The following PIKFYVE variants were observed in gnomAD, a reference collection of about 807,000 sequenced individuals.
PIKFYVE encodes 1-phosphatidylinositol 3-phosphate 5-kinase.
In PIKFYVE, 122 loss-of-function variants were observed where a neutral mutation model predicts 257.9. The ratio of observed to expected loss-of-function variants is 0.47; its 90% confidence interval spans 0.41 to 0.55. The LOEUF (loss-of-function observed/expected upper bound fraction) is 0.55. PIKFYVE is among the 20% of genes least tolerant of loss of function. The pLI, the probability that PIKFYVE is intolerant of heterozygous loss-of-function variation, is 0.00. For synonymous variants in PIKFYVE, 892 were observed against 868.9 expected (o/e 1.03, Z -0.47); for missense variants, 2,160 against 2,536.6 (o/e 0.85, Z 3.19).
intron 12 of PIKFYVE, among the ~76,000 whole-genome samples, chr2:208,311,543 C>T (rs1477444997): frequency 3.3e-5 from 5 of 152,010 alleles, no homozygotes; most frequent in Admixed American, 6.5e-5. Flanking sequence ...GGTCACAGAC[C>T]TAGAGAAAGT....
intron 24 of PIKFYVE, chr2:208,334,349 G>GT (rs2125666800): frequency 6.6e-6 from 1 of 152,628 alleles, no homozygotes; most frequent in South Asian, 2.1e-4. Flanking sequence ...AAGGGTGTCT[G>GT]TTTCACCTGG....
In PIKFYVE at chr2:208,285,086, GTTTTA is replaced by G. The variant is rs1485483178; in HGVS notation, c.614-631_614-627del. ...TATACATTTTGTTTTGTTTTGTTTT[GTTTTA>G]TTTTATTTATTTATTTATTTTGAGA... On this transcript the variant is annotated intron_variant, in intron 5 of 41. Transcript: ENST00000264380. Among the ~76,000 whole-genome samples, 19 of 72,840 alleles carry G rather than the reference GTTTTA, an allele frequency of 2.6e-4. No homozygotes were observed. The South Asian group carries it at 7.5e-3, about 29-fold the overall frequency. The allele number at this position is 72,840 out of a possible 152,430, so 47.8% of individuals were successfully genotyped here. A position where few individuals can be genotyped will look rare whatever the true frequency, so the allele number is the denominator to read the frequency against.
Position 208,338,653 on chromosome 2 carries a change from T to C in PIKFYVE, c.4672+85T>C, listed in dbSNP as rs536505450. ...AAGTTGTTTTAAACTGTTTGAGCAG[T>C]TTTTCCGATGCTGTTGTTCATAGAC... is the stretch of plus-strand genomic sequence containing the variant. On this transcript the variant is annotated intron_variant, in intron 29 of 41. Coordinates refer to ENST00000264380, the MANE Select transcript of PIKFYVE (RefSeq NM_015040.4). The C allele has an allele frequency of 7.2e-4, 953 of 1,330,610 alleles. 1 individual carries two copies. The highest frequency in any genetic ancestry group is 2.7e-3 in the South Asian group (228 of 84,040). The allele number at this position is 1,330,610 out of a possible 1,614,324, so 82.4% of individuals were successfully genotyped here.
chr2:208,336,937 T>C lies in PIKFYVE; in HGVS notation c.4611+9T>C. The C allele has an allele frequency of 6.3e-7, 1 of 1,590,772 alleles. No homozygotes were observed. The highest frequency in any genetic ancestry group is 8.6e-7 in the Non-Finnish European group (1 of 1,159,540). ...AAGGGGAAGAAAGCAAGGTATGAAATGTAGTCTTGTCTTTGGTCCTTAATC... is the reference window on the plus strand; with the variant it reads ...AAGGGGAAGAAAGCAAGGTATGAAACGTAGTCTTGTCTTTGGTCCTTAATC... On this transcript the variant is annotated intron_variant, in intron 28 of 41. Transcript: ENST00000264380.
At chr2:208,277,020 C>T (rs984867324) in intron 4 of PIKFYVE, among the ~76,000 whole-genome samples, 190 bp downstream of exon 4, 1 of 152,074 alleles carries the variant, frequency 6.6e-6, no homozygotes, top group South Asian at 2.1e-4. Flanking sequence ...TCCCGTTATC[C>T]TTAGTGCTTT....
At chr2:208,332,855 C>T (rs1370429822) in intron 23 of PIKFYVE, among the ~76,000 whole-genome samples, 1 of 152,038 alleles carries the variant, frequency 6.6e-6, no homozygotes, top group Non-Finnish European at 1.5e-5. Context: ...CTGCTCTCCT[C>T]CACCACCCCC....
Position 208,350,837 on chromosome 2 carries a change from G to A in PIKFYVE, c.5501G>A (p.Arg1834His), listed in dbSNP as rs757710277. The A allele has an allele frequency of 3.7e-6, 6 of 1,614,002 alleles. No individual in the cohort carries two copies. The highest frequency in any genetic ancestry group is 5.1e-6 in the Non-Finnish European group (6 of 1,180,026). Reference sequence around the variant, plus strand: ...TATGCGGGAGAGTTTCATAAGATGCGTGAAGTGATTCTGGACAGCAGTGAA... The same window carrying A: ...TATGCGGGAGAGTTTCATAAGATGCATGAAGTGATTCTGGACAGCAGTGAA... The part of the protein sequence containing the change: ...LYYAGEFHKM[R>H]EVILDSSEED... The change falls in exon 37 of 42, where the codon CGT becomes CAT. Residue 1834 changes from arginine to histidine, a missense_variant. Arg to His is a conservative substitution (Grantham distance 29, BLOSUM62 0). This residue lies in a region of PIKFYVE where 699 missense variants were observed against 855.8 expected (regional missense o/e 0.82). Coordinates refer to ENST00000264380, the MANE Select transcript of PIKFYVE (RefSeq NM_015040.4).
Position 208,345,001 on chromosome 2 carries a change from A to T in PIKFYVE, c.5028-110A>T, listed in dbSNP as rs1019832481. 4.1e-5 allele frequency: 31 copies of T among 756,008 alleles called. No individual in the cohort carries two copies. In the African/African-American group the frequency reaches 5.3e-4, roughly 13 times the overall value. 46.8% of individuals were successfully genotyped at this position (756,008 alleles called of 1,614,324 possible). ...GTTAACCAAAATTATTTAATTATGG[A>T]AACGTATAATGATTGTGCTTCTATA... On this transcript the variant is annotated intron_variant, in intron 32 of 41. Coordinates refer to ENST00000264380, the MANE Select transcript of PIKFYVE (RefSeq NM_015040.4).
At chr2:208,280,008 C>T (rs1322333361) in intron 5 of PIKFYVE, among the ~76,000 whole-genome samples, 1 of 152,050 alleles carries the variant, frequency 6.6e-6, no homozygotes, top group Non-Finnish European at 1.5e-5. Flanking sequence ...ATTTTTTTTA[C>T]CTTTAGTTTC....
intron 6 of PIKFYVE, among the ~76,000 whole-genome samples, chr2:208,287,978 A>T (rs1422862115): frequency 6.6e-6 from 1 of 152,214 alleles, no homozygotes; most frequent in Non-Finnish European, 1.5e-5. Flanking sequence ...AAATTTTAAA[A>T]ATTGATTCTA....
intron 23 of PIKFYVE, among the ~76,000 whole-genome samples, chr2:208,332,552 TTGTAA>T (rs1697665615): frequency 6.6e-6 from 1 of 152,164 alleles, no homozygotes; most frequent in African/African-American, 2.4e-5. Context: ...GTGGAAAAAC[TTGTAA>T]TGTCTTAAAG....
At chr2:208,298,068 T>A (rs1167549405) in intron 7 of PIKFYVE, among the ~76,000 whole-genome samples, 1 of 152,174 alleles carries the variant, frequency 6.6e-6, no homozygotes, top group African/African-American at 2.4e-5. Context: ...TATTTGGGCG[T>A]CAAAATTGGT....
rs371531193 is a variant in PIKFYVE at position 208,340,045 on chromosome 2, C to T, written c.4845C>T (p.Asp1615=). ...VFDGHLLGST[D]SQVKEKSTMK... ...ATGGGCATTTGCTGGGATCCACAGA[C>T]AGCCAAGTGAAGGAAAAGTCAACCA... Residue 1615 remains aspartate, a synonymous_variant, in exon 31 of 42, where the codon GAC becomes GAT. Coordinates refer to ENST00000264380, the MANE Select transcript of PIKFYVE (RefSeq NM_015040.4). 9.9e-6 allele frequency: 16 copies of T among 1,613,774 alleles called. No individual in the cohort carries two copies. The African/African-American group carries it at 1.2e-4, about 12-fold the overall frequency.
intron 6 of PIKFYVE, among the ~76,000 whole-genome samples, chr2:208,288,278 G>A (rs1480139149): frequency 7.9e-5 from 12 of 152,164 alleles, no homozygotes; most frequent in Admixed American, 7.9e-4. Flanking sequence ...GGTTTAGCGA[G>A]ATTAAGTAAT....
At chr2:208,350,692 G>C in intron 36 of PIKFYVE, 79 bp from the exon 37 acceptor site, 1 of 1,494,108 alleles carries the variant, frequency 6.7e-7, no homozygotes, top group Non-Finnish European at 9.3e-7. Flanking sequence ...ATTTGGCCAG[G>C]GTAGGGAGTG....
At chr2:208,294,168 G>A (rs1445037908) in intron 7 of PIKFYVE, among the ~76,000 whole-genome samples, 1 of 152,106 alleles carries the variant, frequency 6.6e-6, no homozygotes, top group Non-Finnish European at 1.5e-5. Flanking sequence ...CAAGTTCAAA[G>A]ATTCTTTCCT....
Position 208,350,908 on chromosome 2 carries a change from C to G in PIKFYVE, c.5572C>G (p.Arg1858Gly), listed in dbSNP as rs776373808. The G allele has an allele frequency of 1.2e-6, 2 of 1,614,098 alleles. No individual in the cohort carries two copies. Among genetic ancestry groups the G allele is most frequent in the South Asian group, 1.1e-5 (1 of 91,074 alleles). The change falls in exon 37 of 42, where the codon CGG (arginine) becomes GGG (glycine). Residue 1858 changes from arginine to glycine, a missense_variant. Physicochemically the swap from Arg to Gly is moderately radical, Grantham distance 125 (BLOSUM62 -2). Around this residue, in one of 12 missense-constraint regions of PIKFYVE, gnomAD observed 699 missense variants for 855.8 expected, o/e 0.82. Transcript: ENST00000264380. ...CTCCCACTCATCACCCTGGCAGGCCCGGGGAGGCAAATCAGGAGCTGCCTT... is the reference window on the plus strand; with the variant it reads ...CTCCCACTCATCACCCTGGCAGGCCGGGGGAGGCAAATCAGGAGCTGCCTT... ...SLSHSSPWQA[R>G]GGKSGAAFYA...
In PIKFYVE at chr2:208,339,547, G is replaced by C. The variant is rs1242623151; in HGVS notation, c.4802G>C (p.Ser1601Thr). ...GGPPELDTASSSEDVFDGHLL... is the reference protein window; with the variant it reads ...GGPPELDTASTSEDVFDGHLL... Reference sequence around the variant, plus strand: ...CCCCCTGAGCTAGATACAGCCAGCAGTTCCGAAGGTAGAGGTTAAGTCACT... The same window carrying C: ...CCCCCTGAGCTAGATACAGCCAGCACTTCCGAAGGTAGAGGTTAAGTCACT... The change falls in exon 30 of 42, where the codon AGT (serine) becomes ACT (threonine). Residue 1601 changes from serine (S) to threonine (T), a missense_variant. Physicochemically the swap from Ser to Thr is moderately conservative, Grantham distance 58 (BLOSUM62 1). Transcript: ENST00000264380. 15 of 1,614,178 alleles carry C rather than the reference G, an allele frequency of 9.3e-6. No individual in the cohort carries two copies. The highest frequency in any genetic ancestry group is 1.2e-5 in the Non-Finnish European group (14 of 1,180,030).
In PIKFYVE at chr2:208,333,357, T is replaced by C; in HGVS notation, c.4006T>C (p.Ser1336Pro). ...TCTTTCCAATGAGTCCTGGTCTATG[T>C]CATTTGCAAAATACCTTGAACTTAG... ...VALSNESWSMSFAKYLELRFY... is the reference protein window; with the variant it reads ...VALSNESWSMPFAKYLELRFY... The change falls in exon 24 of 42, where the codon TCA becomes CCA. Residue 1336 changes from serine (S) to proline (P), a missense_variant. This residue lies in a region of PIKFYVE where 699 missense variants were observed against 855.8 expected (regional missense o/e 0.82). Coordinates refer to ENST00000264380, the MANE Select transcript of PIKFYVE (RefSeq NM_015040.4). 6.2e-7 allele frequency: 1 copy of C among 1,614,210 alleles called. No individual in the cohort carries two copies. The highest frequency in any genetic ancestry group is 8.5e-7 in the Non-Finnish European group (1 of 1,180,030).
Sources: gnomAD v4.1 joint callset for allele counts (sites outside exome capture counted in the v4.1 genomes callset) on GRCh38, gnomAD v4.1.1 for gene constraint, gnomAD v4.1.1 regional missense constraint, MANE v1.5 for transcripts, NCBI Gene and HGNC (gene_info 2026-07-23, HGNC 2026-07-21) for gene names.